Variants in SPATS2 observed in about 807,000 individuals in gnomAD.
SPATS2 encodes the protein spermatogenesis associated serine rich 2.
SPATS2 carries 38 observed loss-of-function variants against 63.7 expected under a neutral mutation model. The ratio of observed to expected loss-of-function variants is 0.60; its 90% CI spans 0.46 to 0.78. The LOEUF (loss-of-function observed/expected upper bound fraction) is 0.78, where lower values mean the gene tolerates loss of function less well. Ranked by LOEUF, SPATS2 falls within the 30% of genes least tolerant of loss-of-function variation. The probability of loss-of-function intolerance (pLI) is 0.00; values close to 1 mark genes in which losing one functional copy is unlikely to be tolerated. For synonymous variants in SPATS2, 207 were observed against 232.9 expected (o/e 0.89, Z 1.01); for missense variants, 588 against 666.2 (o/e 0.88, Z 1.29).
At chr12:49,416,469 C>T (rs1325396533) in intron 2 of SPATS2, among the ~76,000 whole-genome samples, 2 of 147,714 alleles carry the variant, frequency 1.4e-5, no homozygotes, top group Admixed American at 6.9e-5. Flanking sequence ...AGTTTTATCA[C>T]CTTTTTATTT....
intron 11 of SPATS2, among the ~76,000 whole-genome samples, chr12:49,521,756 T>G (rs1225168294): frequency 1.3e-5 from 2 of 152,226 alleles, no homozygotes; most frequent in East Asian, 3.8e-4. Context: ...GTTTCAGAAT[T>G]AATCTCAGAC....
chr12:49,522,989 T>C, intron 12 of SPATS2, 136 bp downstream of exon 12: 1 of 673,622 alleles, frequency 1.5e-6, no homozygotes, highest in Non-Finnish European at 2.5e-6. Context: ...TCTAGGATGC[T>C]TATGAAGTCC....
intron 9 of SPATS2, among the ~76,000 whole-genome samples, chr12:49,510,245 A>G (rs1946728181): frequency 6.7e-6 from 1 of 149,162 alleles, no homozygotes; most frequent in African/African-American, 2.5e-5. Flanking sequence ...CCTGGGTGAC[A>G]GAGCAAGACC....
At chr12:49,486,390 A>G (rs993097626) in intron 4 of SPATS2, 3 of 304,486 alleles carry the variant, frequency 9.9e-6, no homozygotes, top group African/African-American at 4.6e-5. Flanking sequence ...TATTTTTAGT[A>G]GAGAGGGTGT....
chr12:49,500,696 C>T (rs952871903), intron 9 of SPATS2, among the ~76,000 whole-genome samples: 1 of 151,754 alleles, frequency 6.6e-6, no homozygotes, highest in African/African-American at 2.4e-5. Context: ...GGCGTGAACC[C>T]GGGAGGCGGA....
intron 2 of SPATS2, among the ~76,000 whole-genome samples, chr12:49,398,258 T>G (rs1944548231): frequency 6.6e-6 from 1 of 151,386 alleles, no homozygotes; most frequent in South Asian, 2.1e-4. Flanking sequence ...TCATAAAAAA[T>G]TTTATTTGCA....
intron 7 of SPATS2, among the ~76,000 whole-genome samples, chr12:49,495,561 T>C (rs1016221756): frequency 1.3e-5 from 2 of 152,186 alleles, no homozygotes; most frequent in Non-Finnish European, 2.9e-5. Flanking sequence ...GTGGAAATCA[T>C]CTAACTTGAA....
At chr12:49,407,449 T>G (rs538020870) in intron 2 of SPATS2, among the ~76,000 whole-genome samples, 28 of 152,302 alleles carry the variant, frequency 1.8e-4, no homozygotes, top group African/African-American at 6.7e-4. Context: ...TTCCTATGAC[T>G]CTCCACTGCT....
rs138730123 is a variant in SPATS2 at position 49,444,042 on chromosome 12, A to T, written c.-243-16728A>T. ...TTGCTGAAATTTTAATAGGGACTGT[A>T]TTACGCTTATAAATTAAATTGGGAG... On this transcript the variant is annotated intron_variant, in intron 2 of 13. Transcript: ENST00000552918. Among the ~76,000 whole-genome samples the T allele has an allele frequency of 2.5e-3, 376 of 152,324 alleles. 1 individual carries two copies. The highest frequency in any genetic ancestry group is 8.8e-3 in the African/African-American group (366 of 41,576).
At chr12:49,446,095 G>T (rs1176295066) in intron 2 of SPATS2, among the ~76,000 whole-genome samples, 1 of 151,572 alleles carries the variant, frequency 6.6e-6, no homozygotes, top group Non-Finnish European at 1.5e-5. Context: ...GTAGAGATGG[G>T]GTTTCACCAT....
At chr12:49,392,024 A>G (rs1405493380) in intron 2 of SPATS2, among the ~76,000 whole-genome samples, 2 of 152,186 alleles carry the variant, frequency 1.3e-5, no homozygotes, top group Non-Finnish European at 2.9e-5. Context: ...CGACACATTC[A>G]TTCAGATACT....
At chr12:49,396,885 C>T (rs746163929) in intron 2 of SPATS2, among the ~76,000 whole-genome samples, 14 of 152,212 alleles carry the variant, frequency 9.2e-5, no homozygotes, top group Non-Finnish European at 1.3e-4. Flanking sequence ...CAGCTCTGGA[C>T]TTCAGCTCTG....
At chr12:49,450,543 C>T (rs149813453) in intron 2 of SPATS2, among the ~76,000 whole-genome samples, 8 of 150,750 alleles carry the variant, frequency 5.3e-5, no homozygotes, top group South Asian at 2.1e-4. Context: ...CGCGCCTGGC[C>T]GAGTGGAGTC....
At chr12:49,417,391 C>G (rs11830595) in intron 2 of SPATS2, among the ~76,000 whole-genome samples, 14,023 of 152,096 alleles carry the variant, frequency 0.092, 755 homozygotes, top group African/African-American at 0.14. Flanking sequence ...TTTTGAAAAG[C>G]GGTTAGGTGA....
intron 11 of SPATS2, among the ~76,000 whole-genome samples, chr12:49,521,271 A>G (rs1946937457): frequency 6.6e-6 from 1 of 152,220 alleles, no homozygotes; most frequent in Non-Finnish European, 1.5e-5. Flanking sequence ...AAATAAAAAC[A>G]GAGGTGGAAG....
intron 2 of SPATS2, among the ~76,000 whole-genome samples, chr12:49,392,511 G>A (rs1010497850): frequency 2.6e-5 from 4 of 152,226 alleles, no homozygotes; most frequent in African/African-American, 4.8e-5. Context: ...TCAGGAGTTC[G>A]AGACTAGCCT....
chr12:49,459,059 A>G (rs1171344509), intron 2 of SPATS2, among the ~76,000 whole-genome samples: 1 of 152,202 alleles, frequency 6.6e-6, no homozygotes, highest in East Asian at 1.9e-4. Context: ...CTAGGTCACA[A>G]TAAGCGAATA....
chr12:49,380,772 T>C (rs192948196), intron 2 of SPATS2, among the ~76,000 whole-genome samples: 2 of 152,196 alleles, frequency 1.3e-5, no homozygotes, highest in Admixed American at 1.3e-4. Context: ...CTTTGCCTAC[T>C]GTGAAGAAGG....
chr12:49,443,056 T>G (rs1400359165), intron 2 of SPATS2, among the ~76,000 whole-genome samples: 1 of 152,164 alleles, frequency 6.6e-6, no homozygotes, highest in African/African-American at 2.4e-5. Context: ...TTAAGGTTCA[T>G]CCTTGTAGCA....
Sources: allele counts gnomAD v4.1 joint callset (sites outside exome capture counted in the v4.1 genomes callset), GRCh38; gene constraint gnomAD v4.1.1; transcripts MANE v1.5; gene names NCBI Gene and HGNC (gene_info 2026-07-23, HGNC 2026-07-21).